Variants in ALG11 observed in about 807,000 individuals in gnomAD.
ALG11 encodes the protein GDP-Man:Man(3)GlcNAc(2)-PP-Dol alpha-1,2-mannosyltransferase.
In ALG11, 26 loss-of-function variants were observed where a neutral mutation model predicts 38.8. The ratio of observed to expected loss-of-function variants is 0.67; its 90% CI spans 0.49 to 0.93. The LOEUF (loss-of-function observed/expected upper bound fraction) is 0.93, where lower values mean the gene tolerates loss of function less well. ALG11 is among the 40% of genes least tolerant of loss of function. The pLI, the probability that ALG11 is intolerant of heterozygous loss-of-function variation, is 0.00. For missense variants in ALG11, 535 were observed against 578.8 expected (o/e 0.92, Z 0.78); for synonymous variants, 199 against 211.6 (o/e 0.94, Z 0.52).
intron 3 of ALG11, among the ~76,000 whole-genome samples, chr13:52,027,257 G>C (rs1055500097): frequency 4.6e-5 from 7 of 152,262 alleles, no homozygotes; most frequent in African/African-American, 1.7e-4. Flanking sequence ...GTACGGGGAG[G>C]GGGAGAAGAG....
At position 52,019,058 on chromosome 13, in the gene ALG11, G is replaced by A. The variant is rs1419202736; in HGVS notation, c.190G>A (p.Val64Met). The A allele has an allele frequency of 1.9e-6, 3 of 1,614,018 alleles. No homozygotes were observed. The highest frequency in any genetic ancestry group is 2.5e-6 in the Non-Finnish European group (3 of 1,180,000). ...TAGCAAAAATGGGAAAAATCAAATG[G>A]TGATTGCATTTTTTCATCCATACTG... ...STSKNGKNQM[V>M]IAFFHPYCNA... The change falls in exon 2 of 4, where the codon GTG (valine) becomes ATG (methionine). Residue 64 changes from valine (V) to methionine (M), a missense_variant. Physicochemically the swap from Val to Met is conservative, Grantham distance 21. Coordinates refer to ENST00000521508, the MANE Select transcript of ALG11 (RefSeq NM_001004127.3).
At position 52,028,381 on chromosome 13, in the gene ALG11, C is replaced by G. The variant is rs759540582; in HGVS notation, c.1270C>G (p.Leu424Val). 1.1e-5 allele frequency: 17 copies of G among 1,614,002 alleles called. No individual in the cohort carries two copies. The Admixed American group carries it at 2.7e-4, about 25-fold the overall frequency. The change falls in exon 4 of 4, where the codon CTT (leucine) becomes GTT (valine). Residue 424 changes from leucine to valine, a missense_variant. Coordinates refer to ENST00000521508, the MANE Select transcript of ALG11 (RefSeq NM_001004127.3). ...TGCACACAATTCGGGGGGCCCAAAG[C>G]TTGACATTGTGGTTCCTCACGAAGG... Reference protein sequence around the residue: ...ILAHNSGGPKLDIVVPHEGDI... With the variant: ...ILAHNSGGPKVDIVVPHEGDI...
At position 52,028,627 on chromosome 13, in the gene ALG11, C is replaced by G. The variant is rs781333143; in HGVS notation, c.*37C>G. On this transcript the variant is annotated 3_prime_UTR_variant, in exon 4 of 4. Transcript: ENST00000521508. ...TAAAATTAAAGATATTTTATATAAA[C>G]TGGTTAAACACCTTCATATGTAAAT... 1.0e-5 allele frequency: 16 copies of G among 1,587,842 alleles called. No individual in the cohort carries two copies. The East Asian group carries it at 1.8e-4, about 18-fold the overall frequency.
rs142915895 is a variant in ALG11, at chr13:52,028,094, T to TA, written c.1208-213dup. 7.8e-3 allele frequency among the ~76,000 whole-genome samples: 1,120 copies of TA among 143,996 alleles called. 4 individuals carry two copies. The highest frequency in any genetic ancestry group is 0.023 in the African/African-American group (918 of 39,620). The allele number at this position is 143,996 out of a possible 152,430, so 94.5% of individuals were successfully genotyped here. ...GGCAACATAGTGAGACCCTATCTCT[T>TA]AAAAAAAAAAAAGTGAAGCAGTATT... On this transcript the variant is annotated intron_variant, in intron 3 of 3. Coordinates refer to ENST00000521508, the MANE Select transcript of ALG11 (RefSeq NM_001004127.3).
Position 52,023,989 on chromosome 13 carries a change from A to G in ALG11, c.276-17A>G. The G allele has an allele frequency of 3.1e-6, 5 of 1,611,974 alleles. No homozygotes were observed. Among genetic ancestry groups the G allele is most frequent in the Non-Finnish European group, 4.2e-6 (5 of 1,178,332 alleles). On this transcript the variant is annotated splice_polypyrimidine_tract_variant and intron_variant, in intron 2 of 3. Transcript: ENST00000521508. ...TTTGTAACTTAATATATTCTTAACC[A>G]TTACATTCTATTTTAGGTATCCTGA...
In ALG11 at chr13:52,029,542, C is replaced by G. The variant is rs1566712282; in HGVS notation, c.*952C>G. The G allele has an allele frequency of 1.2e-6, 2 of 1,614,002 alleles. No homozygotes were observed. Among genetic ancestry groups the G allele is most frequent in the South Asian group, 2.2e-5 (2 of 91,068 alleles). On this transcript the variant is annotated 3_prime_UTR_variant, in exon 4 of 4. Transcript: ENST00000521508. ...CCAAGGCTCGAAAAGAGAAGAAAAT[C>G]AAAAGTAAAAAGTATCACAAAGTCG...
At position 52,030,288 on chromosome 13, in the gene ALG11, C is replaced by T. The variant is rs757795523; in HGVS notation, c.*1698C>T. 1.9e-5 allele frequency: 31 copies of T among 1,614,054 alleles called. No homozygotes were observed. Among genetic ancestry groups the T allele is most frequent in the Middle Eastern group, 1.6e-4 (1 of 6,084 alleles). On this transcript the variant is annotated 3_prime_UTR_variant, in exon 4 of 4. Transcript: ENST00000521508. ...AGAGAGGAACCTGCCCCAGAAGAAG[C>T]GGAACCCCTATTGCTACAGAGGTCA...
At position 52,028,492 on chromosome 13, in the gene ALG11, C is replaced by T; in HGVS notation, c.1381C>T (p.Leu461Phe). The change falls in exon 4 of 4, where the codon CTC becomes TTC. Residue 461 changes from leucine (L) to phenylalanine (F), a missense_variant. Physicochemically the swap from Leu to Phe is conservative, Grantham distance 22. Coordinates refer to ENST00000521508, the MANE Select transcript of ALG11 (RefSeq NM_001004127.3). ...TCTTTCCATGTCTGCAGAAAAGAGA[C>T]TCCAAATCAGAAAAAGTGCTCGTGC... Reference protein sequence around the residue: ...HILSMSAEKRLQIRKSARASV... With the variant: ...HILSMSAEKRFQIRKSARASV... 6.2e-7 allele frequency: 1 copy of T among 1,614,164 alleles called. No individual in the cohort carries two copies. Among genetic ancestry groups the T allele is most frequent in the Non-Finnish European group, 8.5e-7 (1 of 1,180,034 alleles).
In ALG11 at chr13:52,024,678, A is replaced by G. The variant is rs1954221957; in HGVS notation, c.948A>G (p.Pro316=). Residue 316 remains proline (P), a synonymous_variant, in exon 3 of 4, where the codon CCA becomes CCG. Transcript: ENST00000521508. Reference sequence around the variant, plus strand: ...AGTTTAGGCCGGAAAAGAATCATCCATTGCAGATCAGAGCCTTTGCTAAAT... The same window carrying G: ...AGTTTAGGCCGGAAAAGAATCATCCGTTGCAGATCAGAGCCTTTGCTAAAT... The part of the protein sequence containing the change: ...VGQFRPEKNH[P]LQIRAFAKLL... The G allele has an allele frequency of 1.9e-6, 3 of 1,614,210 alleles. No homozygotes were observed. The highest frequency in any genetic ancestry group is 1.6e-4 in the Middle Eastern group (1 of 6,062).
At chr13:52,020,338 CTG>C (rs1954173959) in intron 2 of ALG11, among the ~76,000 whole-genome samples, 2 of 152,094 alleles carry the variant, frequency 1.3e-5, no homozygotes, top group South Asian at 4.1e-4. Context: ...ATGAGGAAAA[CTG>C]TTACTCTTCA....
intron 3 of ALG11, among the ~76,000 whole-genome samples, chr13:52,025,645 G>T (rs1352169241): frequency 6.6e-6 from 1 of 152,154 alleles, no homozygotes; most frequent in African/African-American, 2.4e-5. Flanking sequence ...AGCCTTTCTT[G>T]TTTATTCTGG....
chr13:52,029,627 C>G lies in ALG11; in HGVS notation c.*1037C>G, dbSNP rs996331298. 2.5e-6 allele frequency: 4 copies of G among 1,614,036 alleles called. No homozygotes were observed. Among genetic ancestry groups the G allele is most frequent in the Non-Finnish European group, 3.4e-6 (4 of 1,180,036 alleles). ...GTTTGAGCAGCTACAGAAGGTTAAT[C>G]CAACTGTGGCACTGGAAGAAATGGA... On this transcript the variant is annotated 3_prime_UTR_variant, in exon 4 of 4. Coordinates refer to ENST00000521508, the MANE Select transcript of ALG11 (RefSeq NM_001004127.3).
chr13:52,026,304 T>A (rs1288842377), intron 3 of ALG11, among the ~76,000 whole-genome samples: 1 of 152,024 alleles, frequency 6.6e-6, no homozygotes, highest in Non-Finnish European at 1.5e-5. Flanking sequence ...AACAGATGCA[T>A]CAATAGGAAC....
At chr13:52,026,845 ATTGTCC>A (rs1555306171) in intron 3 of ALG11, among the ~76,000 whole-genome samples, 1 of 152,060 alleles carries the variant, frequency 6.6e-6, no homozygotes, top group Non-Finnish European at 1.5e-5. Context: ...AAAAATGAGG[ATTGTCC>A]TTGTGCAGGT....
In ALG11 at chr13:52,024,167, A is replaced by G. The variant is rs1011378127; in HGVS notation, c.437A>G (p.His146Arg). ...RYLVEDSLYP[H>R]FTLLGQSLGS... ...CTTGTGGAAGATTCACTGTATCCTC[A>G]CTTCACACTGCTGGGCCAAAGTCTA... Residue 146 changes from histidine (H) to arginine (R), a missense_variant, in exon 3 of 4, where the codon CAC becomes CGC. Transcript: ENST00000521508. 2 of 1,614,078 alleles carry G rather than the reference A, an allele frequency of 1.2e-6. No homozygotes were observed. Among genetic ancestry groups the G allele is most frequent in the Non-Finnish European group, 1.7e-6 (2 of 1,180,012 alleles).
rs1209716002 is a variant in ALG11, at chr13:52,030,851, G to A, written c.*2261G>A. On this transcript the variant is annotated 3_prime_UTR_variant, in exon 4 of 4. Transcript: ENST00000521508. ...CCACGCAGCAGCTCATCAGGTACAA[G>A]TGCTTCCATATCCATTTACCCACCA... is the stretch of plus-strand genomic sequence containing the variant. 1 of 1,614,166 alleles carries A rather than the reference G, an allele frequency of 6.2e-7. No individual in the cohort carries two copies. The highest frequency in any genetic ancestry group is 1.1e-5 in the South Asian group (1 of 91,074).
Position 52,024,687 on chromosome 13 carries a change from C to T in ALG11, c.957C>T (p.Ile319=). 3 of 1,614,216 alleles carry T rather than the reference C, an allele frequency of 1.9e-6. No homozygotes were observed. The South Asian group carries it at 3.3e-5, about 18-fold the overall frequency. The change falls in exon 3 of 4, where the codon ATC becomes ATT. Residue 319 remains isoleucine, a synonymous_variant. Coordinates refer to ENST00000521508, the MANE Select transcript of ALG11 (RefSeq NM_001004127.3). ...CGGAAAAGAATCATCCATTGCAGAT[C>T]AGAGCCTTTGCTAAATTGCTGAATA... ...FRPEKNHPLQ[I]RAFAKLLNKK... is the part of the protein sequence containing the mutation.
rs1487169075 is a variant in ALG11, at chr13:52,032,722, T to C, written c.*4132T>C. 6.0e-6 allele frequency: 1 copy of C among 167,100 alleles called. No individual in the cohort carries two copies. The highest frequency in any genetic ancestry group is 1.5e-5 in the Non-Finnish European group (1 of 68,116). The allele number at this position is 167,100 out of a possible 1,614,324, so 10.4% of individuals were successfully genotyped here. ...CACCATTGTAACTTTTTGTTAGAGA[T>C]GATCCCATTTAGAAAAAGACTGGTA... is the stretch of plus-strand genomic sequence containing the variant. On this transcript the variant is annotated 3_prime_UTR_variant, in exon 4 of 4. Coordinates refer to ENST00000521508, the MANE Select transcript of ALG11 (RefSeq NM_001004127.3).
rs527547152 is a variant in ALG11 at position 52,012,731 on chromosome 13, T to C, written c.44+269T>C. Among the ~76,000 whole-genome samples the C allele has an allele frequency of 1.9e-4, 29 of 152,286 alleles. No homozygotes were observed. In the East Asian group the frequency reaches 5.6e-3, roughly 29 times the overall value. On this transcript the variant is annotated intron_variant, in intron 1 of 3. Coordinates refer to ENST00000521508, the MANE Select transcript of ALG11 (RefSeq NM_001004127.3). ...CCCTTCCCTGCTTCAGCTTTTTTTT[T>C]CCCTTTCACACTCCAGTTAGTCTGT...
Sources: allele counts gnomAD v4.1 joint callset (sites outside exome capture counted in the v4.1 genomes callset), GRCh38; gene constraint gnomAD v4.1.1; transcripts MANE v1.5; gene names NCBI Gene and HGNC (gene_info 2026-07-23, HGNC 2026-07-21).